The following MPRIP variants were observed in gnomAD, a reference collection of about 807,000 sequenced individuals.
MPRIP encodes myosin phosphatase Rho-interacting protein.
MPRIP carries 59 observed loss-of-function variants against 234.9 expected under a neutral mutation model. The observed-to-expected ratio is 0.25, with a 90% CI of 0.20 to 0.31. The LOEUF (loss-of-function observed/expected upper bound fraction) is 0.31. Among genes scored for constraint, MPRIP ranks in the 10% least tolerant of loss-of-function variants. MPRIP has a pLI of 1.00. For synonymous variants in MPRIP, 1,144 were observed against 1,263.9 expected, an observed-to-expected ratio of 0.91 and a Z score of 2.01; for missense variants, 2,436 against 3,071.0, an observed-to-expected ratio of 0.79 and a Z score of 4.89.
At chr17:17,087,189 T>C (rs1171040328) in intron 3 of MPRIP, among the ~76,000 whole-genome samples, 1 of 152,206 alleles carries the variant, frequency 6.6e-6, no homozygotes, top group African/African-American at 2.4e-5. Context: ...CACTGTGACC[T>C]GATCCAGACC....
chr17:17,140,059 G>T (rs1219067427), intron 7 of MPRIP, among the ~76,000 whole-genome samples: 1 of 152,206 alleles, frequency 6.6e-6, no homozygotes, highest in Non-Finnish European at 1.5e-5. Context: ...CTGATGCCAA[G>T]GATGCTCTTT....
At chr17:17,079,956 GTAT>G (rs2089424829) in intron 3 of MPRIP, among the ~76,000 whole-genome samples, 1 of 152,216 alleles carries the variant, frequency 6.6e-6, no homozygotes, top group South Asian at 2.1e-4. Flanking sequence ...TATGAGTTGC[GTAT>G]TATTTCATGG....
At chr17:17,061,177 C>T (rs774681987) in intron 1 of MPRIP, among the ~76,000 whole-genome samples, 6 of 152,220 alleles carry the variant, frequency 3.9e-5, no homozygotes, top group Non-Finnish European at 8.8e-5. Context: ...GGCCACAGGA[C>T]ACACAAGGTC....
At chr17:17,057,762 C>T in intron 1 of MPRIP, 1 of 712,166 alleles carries the variant, frequency 1.4e-6, no homozygotes, top group Non-Finnish European at 2.6e-6. Flanking sequence ...ACCCGCTGCC[C>T]CATCCTACAC....
At chr17:17,133,359 C>T (rs748436039) in intron 5 of MPRIP, among the ~76,000 whole-genome samples, 3 of 152,194 alleles carry the variant, frequency 2.0e-5, no homozygotes, top group Non-Finnish European at 4.4e-5. Flanking sequence ...TTTGTCAAGT[C>T]AGTCTTGTGG....
chr17:17,134,017 C>G (rs1236570821), intron 5 of MPRIP, among the ~76,000 whole-genome samples: 1 of 152,204 alleles, frequency 6.6e-6, no homozygotes, highest in Non-Finnish European at 1.5e-5. Flanking sequence ...CCTCCATCTC[C>G]CAGCCCCCCA....
chr17:17,133,756 GGAGTCTCAATA>G (rs2090642593), intron 5 of MPRIP, among the ~76,000 whole-genome samples: 1 of 152,216 alleles, frequency 6.6e-6, no homozygotes, highest in Non-Finnish European at 1.5e-5. Flanking sequence ...GCTGAGGGCG[GGAGTCTCAATA>G]GAGTCTAGGC....
rs145898487 is a variant in MPRIP, at chr17:17,144,548, C to T, written c.1503+879C>T. On this transcript the variant is annotated intron_variant, in intron 9 of 23. Coordinates refer to ENST00000651222, the MANE Select transcript of MPRIP (RefSeq NM_001364716.4). ...TGGCACAACCATGATATGGAAATTA[C>T]GAGTTTTTGTTAAAGATCTGCAAGC... Among the ~76,000 whole-genome samples the T allele has an allele frequency of 3.3e-5, 5 of 152,230 alleles. No homozygotes were observed. The East Asian group carries it at 7.7e-4, about 24-fold the overall frequency.
chr17:17,192,491 A>C lies in MPRIP; in HGVS notation c.*7597A>C, dbSNP rs190291761. On this transcript the variant is annotated 3_prime_UTR_variant, in exon 24 of 24. Coordinates refer to ENST00000651222, the MANE Select transcript of MPRIP (RefSeq NM_001364716.4). ...TTTTTTACAAAGTTAGTTTGTGATCAACGATTCACTACAATTGAAGTGTTA... is the reference window on the plus strand; with the variant it reads ...TTTTTTACAAAGTTAGTTTGTGATCCACGATTCACTACAATTGAAGTGTTA... 2.8e-5 allele frequency: 4 copies of C among 145,428 alleles called. No individual in the cohort carries two copies. The highest frequency in any genetic ancestry group is 1.0e-4 in the African/African-American group (4 of 38,942). 9.0% of individuals were successfully genotyped at this position (145,428 alleles called of 1,614,324 possible). A position where few individuals can be genotyped will look rare whatever the true frequency, so the allele number is the denominator to read the frequency against.
At chr17:17,126,646 G>A (rs759010492) in intron 3 of MPRIP, 56 bp from the exon 4 acceptor site, 28 of 1,560,850 alleles carry the variant, frequency 1.8e-5, no homozygotes, top group South Asian at 1.1e-4. Flanking sequence ...GGGGCTGTAC[G>A]ACATCTGTGG....
At chr17:17,137,765 C>A in intron 6 of MPRIP, 151 bp from the exon 7 acceptor site, 1 of 530,030 alleles carries the variant, frequency 1.9e-6, no homozygotes, top group Non-Finnish European at 3.2e-6. Context: ...TTCCGTCTCA[C>A]TCTGCCCTTG....
Position 17,121,651 on chromosome 17 carries a change from T to TA in MPRIP, c.268-5050dup, listed in dbSNP as rs565769306. ...TGCACTACTGAGACTTGGAGGGAGC[T>TA]ATTTTCTTTTTCTTTTTCTTTTTTT... On this transcript the variant is annotated intron_variant, in intron 3 of 23. Coordinates refer to ENST00000651222, the MANE Select transcript of MPRIP (RefSeq NM_001364716.4). Among the ~76,000 whole-genome samples, 53 of 152,278 alleles carry TA rather than the reference T, an allele frequency of 3.5e-4. 1 individual carries two copies. The highest frequency in any genetic ancestry group is 1.2e-3 in the African/African-American group (48 of 41,580).
rs1249473308 is a variant in MPRIP, at chr17:17,071,772, A to T, written c.124-3938A>T. Among the ~76,000 whole-genome samples the T allele has an allele frequency of 3.3e-5, 5 of 152,222 alleles. No homozygotes were observed. In the East Asian group the frequency reaches 9.6e-4, roughly 29 times the overall value. On this transcript the variant is annotated intron_variant, in intron 1 of 23. Coordinates refer to ENST00000651222, the MANE Select transcript of MPRIP (RefSeq NM_001364716.4). The stretch of plus-strand genomic sequence containing the variant: ...ACTTTTATATGGGATCCGGAGCCAC[A>T]TGCATCCTCTGGGAGGACCTGCATA...
rs1276541279 is a variant in MPRIP, at chr17:17,050,788, A to AGGGTCCTTGCC, written c.123+7817_123+7818insGGGTCCTTGCC. 2.0e-3 allele frequency among the ~76,000 whole-genome samples: 311 copies of AGGGTCCTTGCC among 152,224 alleles called. 2 individuals are homozygous for AGGGTCCTTGCC. The highest frequency in any genetic ancestry group is 4.8e-3 in the South Asian group (23 of 4,826). On this transcript the variant is annotated intron_variant, in intron 1 of 23. Transcript: ENST00000651222. The stretch of plus-strand genomic sequence containing the variant: ...GCAGAGTTTAGGGGCAGAAGGGAGG[A>AGGGTCCTTGCC]AGGTCCTTGCCAGGGCCTCAGGCCT...
At chr17:17,145,232 C>T (rs1451410642) in intron 9 of MPRIP, among the ~76,000 whole-genome samples, 2 of 152,194 alleles carry the variant, frequency 1.3e-5, no homozygotes, top group Non-Finnish European at 2.9e-5. Context: ...TGGTAGTTAT[C>T]CTGACAATTC....
At chr17:17,182,540 G>A (rs2046394060) in intron 23 of MPRIP, 1 of 152,474 alleles carries the variant, frequency 6.6e-6, no homozygotes, top group South Asian at 2.1e-4. Flanking sequence ...CAGCCACCGG[G>A]AGAGAATCCA....
intron 21 of MPRIP, among the ~76,000 whole-genome samples, chr17:17,177,042 A>G (rs931969130): frequency 6.6e-6 from 1 of 152,178 alleles, no homozygotes; most frequent in African/African-American, 2.4e-5. Flanking sequence ...TTATCCTGCC[A>G]TGTCCTGATG....
intron 1 of MPRIP, among the ~76,000 whole-genome samples, chr17:17,045,098 T>G (rs535131782): frequency 6.6e-6 from 1 of 152,176 alleles, no homozygotes; most frequent in East Asian, 1.9e-4. Flanking sequence ...CCCATCAGTC[T>G]CCCCCAAGCC....
chr17:17,061,153 C>A (rs1209325723), intron 1 of MPRIP, among the ~76,000 whole-genome samples: 2 of 152,234 alleles, frequency 1.3e-5, no homozygotes, highest in African/African-American at 4.8e-5. Flanking sequence ...GATCCTCTTG[C>A]AGTCCATCTG....
Sources: gnomAD v4.1 joint callset for allele counts (sites outside exome capture counted in the v4.1 genomes callset) on GRCh38, gnomAD v4.1.1 for gene constraint, MANE v1.5 for transcripts, NCBI Gene and HGNC (gene_info 2026-07-23, HGNC 2026-07-21) for gene names.